Variants in MACROD2 observed in about 807,000 individuals in gnomAD.
The protein encoded by MACROD2 is ADP-ribose glycohydrolase MACROD2.
MACROD2 carries 36 observed loss-of-function variants against 70.4 expected under a neutral mutation model. The observed-to-expected ratio is 0.51, with a 90% CI of 0.39 to 0.68. MACROD2 has a LOEUF of 0.68. MACROD2 is among the 30% of genes least tolerant of loss of function. The probability of loss-of-function intolerance (pLI) is 0.00; values close to 1 mark genes in which losing one functional copy is unlikely to be tolerated. For missense variants in MACROD2, 496 were observed against 538.4 expected, an observed-to-expected ratio of 0.92 and a Z score of 0.78; for synonymous variants, 172 against 178.8, an observed-to-expected ratio of 0.96 and a Z score of 0.30.
intron 8 of MACROD2, among the ~76,000 whole-genome samples, chr20:15,738,846 G>A (rs933866017): frequency 1.3e-5 from 2 of 152,092 alleles, no homozygotes; most frequent in African/African-American, 2.4e-5. Flanking sequence ...TTCTGTCGGG[G>A]AGGAGAGCTA....
In MACROD2 at chr20:14,047,076, C is replaced by T. The variant is rs149116433; in HGVS notation, c.164-38545C>T. ...TTACAGATGAGTATATAATGTGATA[C>T]TCACATGAAGCTTAAAAAATGCAAA... On this transcript the variant is annotated intron_variant, in intron 2 of 17. Transcript: ENST00000684519. 4.8e-3 allele frequency among the ~76,000 whole-genome samples: 726 copies of T among 150,952 alleles called. 12 individuals are homozygous for T. The highest frequency in any genetic ancestry group is 0.017 in the African/African-American group (703 of 40,672).
chr20:15,902,313 A>G (rs1239385457), intron 10 of MACROD2, among the ~76,000 whole-genome samples: 2 of 152,002 alleles, frequency 1.3e-5, no homozygotes, highest in African/African-American at 4.8e-5. Flanking sequence ...TTAATATATT[A>G]TAAGCCCCTG....
At chr20:14,323,900 A>C (rs1438057440) in intron 3 of MACROD2, 1 of 152,182 alleles carries the variant, frequency 6.6e-6, no homozygotes, top group Non-Finnish European at 1.5e-5. Context: ...CCATTTCTTA[A>C]ATTTTCCATC....
At chr20:15,123,610 A>ATTTTG (rs386393391) in intron 5 of MACROD2, among the ~76,000 whole-genome samples, 3 of 151,558 alleles carry the variant, frequency 2.0e-5, no homozygotes, top group Non-Finnish European at 4.4e-5. Flanking sequence ...CATTGCACTT[A>ATTTTG]TTTTTTAAGT....
Position 14,418,836 on chromosome 20 carries a change from T to C in MACROD2, c.272-74643T>C, listed in dbSNP as rs548755265. ...CACTAGAATGTAGTGAGGTCCAACT[T>C]TCATTTTGATTCCATTATTTATTTG... On this transcript the variant is annotated intron_variant, in intron 3 of 17. Transcript: ENST00000684519. Among the ~76,000 whole-genome samples the C allele has an allele frequency of 7.4e-4, 113 of 152,264 alleles. No individual in the cohort carries two copies. The Middle Eastern group carries it at 0.017, about 23-fold the overall frequency.
intron 5 of MACROD2, among the ~76,000 whole-genome samples, chr20:15,150,743 TGGCTGTAGTCCA>T (rs2076263421): frequency 6.6e-6 from 1 of 151,870 alleles, no homozygotes; most frequent in Non-Finnish European, 1.5e-5. Context: ...CAATGAGATG[TGGCTGTAGTCCA>T]GGAATAGTCA....
chr20:15,823,046 CACAG>C (rs1246123533), intron 8 of MACROD2, among the ~76,000 whole-genome samples: 2 of 152,248 alleles, frequency 1.3e-5, no homozygotes, highest in South Asian at 2.1e-4. Flanking sequence ...GCTTATGACC[CACAG>C]ACAATCATTC....
At chr20:14,742,776 T>TTA (rs561034956) in intron 5 of MACROD2, among the ~76,000 whole-genome samples, 76 of 151,354 alleles carry the variant, frequency 5.0e-4, no homozygotes, top group East Asian at 4.9e-3. Flanking sequence ...TTATTTTATT[T>TTA]TTTTTTTTGA....
chr20:14,284,353 A>G (rs1013867192), intron 3 of MACROD2, among the ~76,000 whole-genome samples: 4 of 152,188 alleles, frequency 2.6e-5, no homozygotes, highest in African/African-American at 9.7e-5. Flanking sequence ...TCTCCAGAAT[A>G]TTTTTGTCTA....
At chr20:14,763,068 A>T (rs2072038482) in intron 5 of MACROD2, among the ~76,000 whole-genome samples, 2 of 152,058 alleles carry the variant, frequency 1.3e-5, no homozygotes, top group Admixed American at 1.3e-4. Flanking sequence ...GCTTCACAGG[A>T]TGGGGTTAGG....
intron 5 of MACROD2, among the ~76,000 whole-genome samples, chr20:14,896,447 G>A (rs973201726): frequency 3.3e-5 from 5 of 151,910 alleles, no homozygotes; most frequent in African/African-American, 9.7e-5. Flanking sequence ...AATTCTGAAT[G>A]TGCTGTGTTT....
chr20:15,080,063 A>AT (rs5840648), intron 5 of MACROD2, among the ~76,000 whole-genome samples: 28,174 of 151,480 alleles, frequency 0.19, 3,493 homozygotes, highest in Non-Finnish European at 0.27. Flanking sequence ...CCTTAGCCAT[A>AT]TTTTTTCTTT....
At chr20:15,131,040 C>G (rs958467780) in intron 5 of MACROD2, among the ~76,000 whole-genome samples, 1 of 151,992 alleles carries the variant, frequency 6.6e-6, no homozygotes, top group Non-Finnish European at 1.5e-5. Context: ...ACAAATGACC[C>G]CTGGTATAAG....
intron 3 of MACROD2, among the ~76,000 whole-genome samples, chr20:14,151,653 T>A (rs1170557186): frequency 6.6e-6 from 1 of 152,116 alleles, no homozygotes; most frequent in Non-Finnish European, 1.5e-5. Context: ...GGTAATTATT[T>A]TTGAAAGAAA....
chr20:15,568,678 G>T (rs747398), intron 8 of MACROD2, among the ~76,000 whole-genome samples: 84,456 of 151,998 alleles, frequency 0.56, 27,286 homozygotes, highest in Non-Finnish European at 0.75. Context: ...GCTGGGAAAC[G>T]CAAGGTCACA....
At chr20:15,764,579 T>A (rs946100675) in intron 8 of MACROD2, among the ~76,000 whole-genome samples, 8 of 152,090 alleles carry the variant, frequency 5.3e-5, no homozygotes, top group African/African-American at 1.4e-4. Flanking sequence ...CCACCTCCAA[T>A]CCATGTGCCA....
At chr20:14,052,027 T>G in intron 2 of MACROD2, 1 of 443,950 alleles carries the variant, frequency 2.3e-6, no homozygotes. Flanking sequence ...ACAGGTATTC[T>G]TCTTACATAT....
chr20:14,973,214 G>A (rs6043044), intron 5 of MACROD2, among the ~76,000 whole-genome samples: 2,455 of 148,282 alleles, frequency 0.017, 72 homozygotes, highest in African/African-American at 0.057. Flanking sequence ...TGCCTAAGAG[G>A]TGAGTAGTTG....
chr20:14,294,238 ATG>A (rs1405884021), intron 3 of MACROD2, among the ~76,000 whole-genome samples: 1 of 151,126 alleles, frequency 6.6e-6, no homozygotes, highest in Admixed American at 6.6e-5. Context: ...GTGTTCATGC[ATG>A]TGTGTGTGTT....
Sources: allele counts gnomAD v4.1 joint callset (sites outside exome capture counted in the v4.1 genomes callset), GRCh38; gene constraint gnomAD v4.1.1; transcripts MANE v1.5; gene names NCBI Gene and HGNC (gene_info 2026-07-23, HGNC 2026-07-21).